The following USP6NL variants were observed in gnomAD, a reference collection of about 807,000 sequenced individuals.
The protein encoded by USP6NL is USP6 N-terminal like, also known as USP6 N-terminal-like protein.
Under a neutral mutation model 61.9 loss-of-function variants are expected in USP6NL, and 26 were observed. That is an observed-to-expected ratio of 0.42 (90% CI 0.31 to 0.58). USP6NL has a LOEUF of 0.58. Among genes scored for constraint, USP6NL ranks in the 20% least tolerant of loss-of-function variants. The probability of loss-of-function intolerance (pLI) is 0.16; values close to 1 mark genes in which losing one functional copy is unlikely to be tolerated. For missense variants in USP6NL, 1,114 were observed against 1,034.3 expected (o/e 1.08, Z -1.06); for synonymous variants, 432 against 390.1 (o/e 1.11, Z -1.27).
In USP6NL at chr10:11,518,930, A is replaced by G. The variant is rs1835085425; in HGVS notation, c.156-356T>C. On this transcript the variant is annotated intron_variant, in intron 4 of 14. Transcript: ENST00000609104. This position sits in a 1 kb window ranked among gnomAD's most constrained non-coding sequence, Gnocchi z 5.3. ...AGCCACCATATTGAACGGTACAGAT[A>G]TAGAACATTTCCATCACTGCAGAAA... Among the ~76,000 whole-genome samples, 1 of 152,270 alleles carries G rather than the reference A, an allele frequency of 6.6e-6. No homozygotes were observed. The highest frequency in any genetic ancestry group is 6.5e-5 in the Admixed American group (1 of 15,292).
Position 11,537,660 on chromosome 10 carries a change from GC to G in USP6NL, c.5-10094del, listed in dbSNP as rs1835884606. ...CACTCTTCAAACAAATTCTATAAAT[GC>G]CCAGTTGCCAAGCAAGTAGGGTCAG... On this transcript the variant is annotated intron_variant, in intron 2 of 14. Coordinates refer to ENST00000609104, the MANE Select transcript of USP6NL (RefSeq NM_014688.5). The surrounding 1 kb of genome is among the most constrained non-coding windows in gnomAD (Gnocchi z 5.1). 6.6e-6 allele frequency among the ~76,000 whole-genome samples: 1 copy of G among 152,054 alleles called. No homozygotes were observed. Among genetic ancestry groups the G allele is most frequent in the African/African-American group, 2.4e-5 (1 of 41,466 alleles).
Position 11,483,483 on chromosome 10 carries a change from T to TG in USP6NL, c.925+1487dup, listed in dbSNP as rs1199984208. 9.5e-3 allele frequency among the ~76,000 whole-genome samples: 267 copies of TG among 28,012 alleles called. 1 individual carries two copies. The highest frequency in any genetic ancestry group is 0.031 in the African/African-American group (226 of 7,266). The allele number at this position is 28,012 out of a possible 152,430, so 18.4% of individuals were successfully genotyped here. ...ATCCCTTAACAATCCAGAAAGAAAG[T>TG]GGGGGGGGAGGGGAGGGAGAGAGGG... On this transcript the variant is annotated intron_variant, in intron 13 of 14. Coordinates refer to ENST00000609104, the MANE Select transcript of USP6NL (RefSeq NM_014688.5).
intron 2 of USP6NL, among the ~76,000 whole-genome samples, chr10:11,550,867 T>C (rs192007610): frequency 3.1e-4 from 46 of 148,574 alleles, no homozygotes; most frequent in Admixed American, 2.7e-3. Context: ...GGCCAAAAAA[T>C]ACACTAAAAG....
chr10:11,590,335 T>C (rs1405271173), intron 2 of USP6NL, among the ~76,000 whole-genome samples: 1 of 152,140 alleles, frequency 6.6e-6, no homozygotes, highest in Non-Finnish European at 1.5e-5. Context: ...GGAAATGAGA[T>C]TTCTGTACAA....
chr10:11,502,210 G>A (rs1163289839), intron 6 of USP6NL, among the ~76,000 whole-genome samples: 1 of 149,022 alleles, frequency 6.7e-6, no homozygotes, highest in African/African-American at 2.5e-5. Flanking sequence ...AGTGAGCCGA[G>A]ATTGCGCCAC....
rs184461591 is a variant in USP6NL, at chr10:11,580,237, A to G, written c.4+17394T>C. Among the ~76,000 whole-genome samples, 1,205 of 152,298 alleles carry G rather than the reference A, an allele frequency of 7.9e-3. 12 individuals are homozygous for G. The highest frequency in any genetic ancestry group is 0.012 in the Non-Finnish European group (823 of 68,032). On this transcript the variant is annotated intron_variant, in intron 2 of 14. Coordinates refer to ENST00000609104, the MANE Select transcript of USP6NL (RefSeq NM_014688.5). ...ACTCATTAGTTGTTATTTAATAAAGATTTGGGTATATCAATAATTAAACAA... is the reference window on the plus strand; with the variant it reads ...ACTCATTAGTTGTTATTTAATAAAGGTTTGGGTATATCAATAATTAAACAA...
rs1306053200 is a variant in USP6NL, at chr10:11,591,501, C to CTA, written c.4+6128_4+6129dup. Among the ~76,000 whole-genome samples the CTA allele has an allele frequency of 8.5e-5, 13 of 152,100 alleles. No homozygotes were observed. The highest frequency in any genetic ancestry group is 1.8e-4 in the Non-Finnish European group (12 of 67,994). On this transcript the variant is annotated intron_variant, in intron 2 of 14. Transcript: ENST00000609104. The surrounding 1 kb of genome is among the most constrained non-coding windows in gnomAD (Gnocchi z 4.7). ...TAGTAAAAATAATTCAGAAGCTTTA[C>CTA]TAAGCTTATACTACTATAGTAATTT...
chr10:11,492,801 CA>C (rs1833757936), intron 8 of USP6NL, among the ~76,000 whole-genome samples: 1 of 152,160 alleles, frequency 6.6e-6, no homozygotes, highest in African/African-American at 2.4e-5. Flanking sequence ...TATAGAGATA[CA>C]TTGATCACTG....
intron 4 of USP6NL, among the ~76,000 whole-genome samples, chr10:11,523,860 C>T (rs1210025284): frequency 6.6e-6 from 1 of 152,150 alleles, no homozygotes; most frequent in Non-Finnish European, 1.5e-5. Context: ...GAGGTGCCTC[C>T]TATCTTTTGA....
chr10:11,471,259 C>T (rs1832735227), intron 14 of USP6NL, among the ~76,000 whole-genome samples: 1 of 152,122 alleles, frequency 6.6e-6, no homozygotes, highest in Non-Finnish European at 1.5e-5. Flanking sequence ...TAAAGACTTA[C>T]TGCCAACCAC....
At chr10:11,567,266 A>G (rs1837197104) in intron 2 of USP6NL, among the ~76,000 whole-genome samples, 1 of 152,236 alleles carries the variant, frequency 6.6e-6, no homozygotes, top group Non-Finnish European at 1.5e-5. Context: ...AAACCTTTCA[A>G]GGTCATTTCA....
chr10:11,516,072 T>C (rs1451796120), intron 5 of USP6NL, among the ~76,000 whole-genome samples: 1 of 152,162 alleles, frequency 6.6e-6, no homozygotes, highest in Non-Finnish European at 1.5e-5. Context: ...AACAATATAA[T>C]CCATTATTAA....
intron 1 of USP6NL, among the ~76,000 whole-genome samples, chr10:11,599,988 T>C (rs77540487): frequency 0.036 from 5,478 of 152,236 alleles, 148 homozygotes; most frequent in Middle Eastern, 0.14. Context: ...GTAAGGAGTC[T>C]ACCAATTGTT....
At chr10:11,590,467 CTT>C (rs1246460825) in intron 2 of USP6NL, among the ~76,000 whole-genome samples, 1 of 152,152 alleles carries the variant, frequency 6.6e-6, no homozygotes, top group African/African-American at 2.4e-5. Context: ...CTGGATGTTA[CTT>C]ATGTGGAATT....
At chr10:11,530,679 T>C (rs1273714122) in intron 2 of USP6NL, among the ~76,000 whole-genome samples, 2 of 152,226 alleles carry the variant, frequency 1.3e-5, no homozygotes, top group African/African-American at 4.8e-5. Flanking sequence ...TAAAGCTAAA[T>C]GCATTTTAGA....
rs945464975 is a variant in USP6NL, at chr10:11,495,950, A to C, written c.385-2722T>G. ...CAAGCAGTTGGACTGGGGTTCCCTG[A>C]AGTCAGTACCTTTGGGTTTATTTTC... On this transcript the variant is annotated intron_variant, in intron 7 of 14. Coordinates refer to ENST00000609104, the MANE Select transcript of USP6NL (RefSeq NM_014688.5). This position sits in a 1 kb window ranked among gnomAD's most constrained non-coding sequence, Gnocchi z 4.6. Among the ~76,000 whole-genome samples the C allele has an allele frequency of 3.9e-5, 6 of 152,142 alleles. No individual in the cohort carries two copies. Among genetic ancestry groups the C allele is most frequent in the Non-Finnish European group, 8.8e-5 (6 of 68,028 alleles).
rs1310699703 is a variant in USP6NL, at chr10:11,476,522, A to C, written c.1078+5248T>G. On this transcript the variant is annotated intron_variant, in intron 14 of 14. Coordinates refer to ENST00000609104, the MANE Select transcript of USP6NL (RefSeq NM_014688.5). The surrounding 1 kb of genome is among the most constrained non-coding windows in gnomAD (Gnocchi z 4.3). ...GCAACTACAAAACATACAGAAATAA[A>C]ATAAAGGTACAAAAATGCTAACAAT... is the stretch of plus-strand genomic sequence containing the variant. Among the ~76,000 whole-genome samples, 1 of 152,238 alleles carries C rather than the reference A, an allele frequency of 6.6e-6. No homozygotes were observed. The highest frequency in any genetic ancestry group is 1.5e-5 in the Non-Finnish European group (1 of 68,040).
intron 2 of USP6NL, among the ~76,000 whole-genome samples, chr10:11,580,121 A>G (rs1837699547): frequency 6.8e-6 from 1 of 146,272 alleles, no homozygotes; most frequent in South Asian, 2.2e-4. Context: ...GTCAATAGTG[A>G]TGAGTTGACA....
chr10:11,505,888 T>C (rs1468093711), intron 6 of USP6NL, among the ~76,000 whole-genome samples: 1 of 152,164 alleles, frequency 6.6e-6, no homozygotes, highest in Non-Finnish European at 1.5e-5. Flanking sequence ...GCCTCTCCAT[T>C]TTCTCTCATC....
Sources: allele counts gnomAD v4.1 joint callset (sites outside exome capture counted in the v4.1 genomes callset), GRCh38; gene constraint gnomAD v4.1.1; non-coding constraint Gnocchi (gnomAD v3.1); transcripts MANE v1.5; gene names NCBI Gene and HGNC (gene_info 2026-07-23, HGNC 2026-07-21).